PAAF1: variants seen among roughly 807,000 people sequenced by gnomAD.
PAAF1 encodes the protein proteasomal ATPase associated factor 1.
A neutral mutation model predicts 52.8 loss-of-function variants in PAAF1; 46 were observed. That is an observed-to-expected ratio of 0.87 (90% CI 0.69 to 1.11). The LOEUF (loss-of-function observed/expected upper bound fraction) is 1.11. Among genes scored for constraint, PAAF1 ranks in the 50% most tolerant of loss-of-function variants. PAAF1 has a pLI of 0.00. For synonymous variants in PAAF1, 178 were observed against 172.8 expected, an observed-to-expected ratio of 1.03 and a Z score of -0.24; for missense variants, 424 against 477.4, an observed-to-expected ratio of 0.89 and a Z score of 1.04.
intron 2 of PAAF1, 55 bp from the exon 3 acceptor site, chr11:73,887,299 G>T (rs1266954743): frequency 7.2e-7 from 1 of 1,395,336 alleles, no homozygotes; most frequent in East Asian, 2.4e-5. Flanking sequence ...TCTTCAAAGA[G>T]AAAAATAATA....
intron 4 of PAAF1, among the ~76,000 whole-genome samples, chr11:73,896,301 T>A (rs1399374921): frequency 3.6e-5 from 4 of 110,210 alleles, no homozygotes; most frequent in Non-Finnish European, 7.0e-5. Context: ...TTTTCTTTTT[T>A]ATTTATTTTT....
In PAAF1 at chr11:73,916,598, C is replaced by G; in HGVS notation, c.873C>G (p.Gly291=). ...TCAACTGCTGTACTTTTCTCTCTGG[C>G]TTCTTGCTATTGGCTGGGACTCAAG... The part of the protein sequence containing the change: ...DAFNCCTFLS[G]FLLLAGTQDG... The change falls in exon 9 of 12, where the codon GGC becomes GGG. Residue 291 remains glycine (G), a synonymous_variant. Transcript: ENST00000310571. The G allele has an allele frequency of 6.2e-7, 1 of 1,614,012 alleles. No homozygotes were observed. Among genetic ancestry groups the G allele is most frequent in the Non-Finnish European group, 8.5e-7 (1 of 1,179,964 alleles).
At chr11:73,894,793 C>T (rs2135155387) in intron 4 of PAAF1, among the ~76,000 whole-genome samples, 1 of 152,244 alleles carries the variant, frequency 6.6e-6, no homozygotes, top group East Asian at 1.9e-4. Context: ...CACTGCACTC[C>T]AGCCTGTGTT....
chr11:73,900,452 C>T (rs758431806), intron 6 of PAAF1, 32 bp downstream of exon 6: 1 of 1,514,286 alleles, frequency 6.6e-7, no homozygotes, highest in Non-Finnish European at 8.9e-7. Flanking sequence ...AAAGGCTTCT[C>T]TAATGATCCC....
In PAAF1 at chr11:73,900,368, A is replaced by G. The variant is rs1293264610; in HGVS notation, c.480A>G (p.Ile160Met). The G allele has an allele frequency of 6.2e-7, 1 of 1,612,792 alleles. No homozygotes were observed. Among genetic ancestry groups the G allele is most frequent in the Non-Finnish European group, 8.5e-7 (1 of 1,179,044 alleles). The change falls in exon 6 of 12, where the codon ATA becomes ATG. Residue 160 changes from isoleucine (I) to methionine (M), a missense_variant. Coordinates refer to ENST00000310571, the MANE Select transcript of PAAF1 (RefSeq NM_025155.3). ...LSGGMDAQLK[I>M]WSAEDASCVV... ...GGGGAATGGATGCCCAGCTGAAGAT[A>G]TGGTCAGCTGAAGATGCTAGCTGCG... is the stretch of plus-strand genomic sequence containing the variant.
At chr11:73,887,293 C>T in intron 2 of PAAF1, 61 bp from the exon 3 acceptor site, 1 of 1,342,890 alleles carries the variant, frequency 7.4e-7, no homozygotes, top group Non-Finnish European at 1.0e-6. Context: ...ATTGGGTCTT[C>T]AAAGAGAAAA....
chr11:73,914,695 T>G lies in PAAF1; in HGVS notation c.819+191T>G, dbSNP rs1043349823. Among the ~76,000 whole-genome samples the G allele has an allele frequency of 2.0e-5, 3 of 149,494 alleles. No homozygotes were observed. The South Asian group carries it at 6.3e-4, about 31-fold the overall frequency. On this transcript the variant is annotated intron_variant, in intron 8 of 11. Transcript: ENST00000310571. ...AATAAGGGCAACATTTAAATCCCAG[T>G]TCTTTTTTTTTTTTTTTTTTGGAGA...
At chr11:73,926,523 C>G (rs542425819) in intron 11 of PAAF1, among the ~76,000 whole-genome samples, 1 of 152,288 alleles carries the variant, frequency 6.6e-6, no homozygotes, top group South Asian at 2.1e-4. Context: ...TCCTGGCCAA[C>G]ACGGTGAAAC....
At chr11:73,876,810 T>G (rs1591026346), upstream of PAAF1, 1 of 433,964 alleles carries the variant, frequency 2.3e-6, no homozygotes, top group Non-Finnish European at 3.9e-6. Context: ...GCGGCTTGGG[T>G]TTCGCAGGCG....
At chr11:73,921,657 C>G (rs1591132762) in intron 10 of PAAF1, 1 of 724,444 alleles carries the variant, frequency 1.4e-6, no homozygotes, top group Non-Finnish European at 2.5e-6. Flanking sequence ...GTGCTCCTTT[C>G]ACTGTCCAGG....
Position 73,899,173 on chromosome 11 carries a change from G to C in PAAF1, c.310G>C (p.Gly104Arg). The change falls in exon 5 of 12, where the codon GGA becomes CGA. Residue 104 changes from glycine (G) to arginine (R), a missense_variant. Gly to Arg is a moderately radical substitution (Grantham distance 125). Transcript: ENST00000310571. ...SITCLDISSR[G>R]GLGVSSSTDG... ...AACATGCCTGGACATTTCCAGCAGA[G>C]GAGGTCTTGGTGTGTCTTCTAGTAC... The C allele has an allele frequency of 6.2e-7, 1 of 1,614,042 alleles. No individual in the cohort carries two copies. Among genetic ancestry groups the C allele is most frequent in the Non-Finnish European group, 8.5e-7 (1 of 1,179,976 alleles).
At chr11:73,876,872 T>G (rs1210877503), upstream of PAAF1, 2 of 766,516 alleles carry the variant, frequency 2.6e-6, no homozygotes, top group Non-Finnish European at 3.9e-6. Flanking sequence ...GTGGGGAGCG[T>G]GCACACGGAA....
chr11:73,912,664 A>T (rs1741200104), intron 7 of PAAF1, among the ~76,000 whole-genome samples: 1 of 152,156 alleles, frequency 6.6e-6, no homozygotes, highest in African/African-American at 2.4e-5. Flanking sequence ...GTCATGTCAC[A>T]TTCCTGCTTA....
intron 10 of PAAF1, chr11:73,921,714 C>T: frequency 1.0e-6 from 1 of 976,448 alleles, no homozygotes; most frequent in South Asian, 1.3e-5. Context: ...AACAAGTCCA[C>T]CACTTGCAGC....
chr11:73,897,010 G>A lies in PAAF1; in HGVS notation c.283-2136G>A, dbSNP rs1212207420. ...CCCCCACCTCCCTCCTGGACGGGGC[G>A]GCTGGCCGGGCAGAGGGGCTCCTCA... is the stretch of plus-strand genomic sequence containing the variant. On this transcript the variant is annotated intron_variant, in intron 4 of 11. Transcript: ENST00000310571. Among the ~76,000 whole-genome samples, 7 of 135,676 alleles carry A rather than the reference G, an allele frequency of 5.2e-5. No homozygotes were observed. The South Asian group carries it at 9.5e-4, about 18-fold the overall frequency. 89.0% of individuals were successfully genotyped at this position (135,676 alleles called of 152,430 possible).
intron 11 of PAAF1, among the ~76,000 whole-genome samples, chr11:73,925,045 C>T (rs1470652529): frequency 1.3e-5 from 2 of 150,436 alleles, no homozygotes; most frequent in Non-Finnish European, 2.9e-5. Context: ...GTTCCAGTTA[C>T]TTGGGAGGCT....
intron 4 of PAAF1, among the ~76,000 whole-genome samples, chr11:73,897,274 T>G (rs1373120442): frequency 7.1e-6 from 1 of 141,710 alleles, no homozygotes; most frequent in Non-Finnish European, 1.5e-5. Flanking sequence ...CGGCTGGCCG[T>G]GTGGGGGGCT....
rs1950445901 is a variant in PAAF1, at chr11:73,930,709, T to G, written c.*3347T>G. 6.8e-6 allele frequency: 1 copy of G among 146,240 alleles called. No homozygotes were observed. Among genetic ancestry groups the G allele is most frequent in the East Asian group, 2.1e-4 (1 of 4,872 alleles). 9.1% of individuals were successfully genotyped at this position (146,240 alleles called of 1,614,324 possible). On this transcript the variant is annotated 3_prime_UTR_variant, in exon 12 of 12. Coordinates refer to ENST00000310571, the MANE Select transcript of PAAF1 (RefSeq NM_025155.3). ...GTGTAGTGAGCTGAGATTGCACCAC[T>G]GCACTCCAGCTTGGGCAACAGAGCG...
Position 73,927,454 on chromosome 11 carries a change from C to A in PAAF1, c.*92C>A. 9.3e-7 allele frequency: 1 copy of A among 1,079,154 alleles called. No individual in the cohort carries two copies. The highest frequency in any genetic ancestry group is 1.4e-6 in the Non-Finnish European group (1 of 714,494). The allele number at this position is 1,079,154 out of a possible 1,614,324, so 66.8% of individuals were successfully genotyped here. On this transcript the variant is annotated 3_prime_UTR_variant, in exon 12 of 12. Transcript: ENST00000310571. Reference sequence around the variant, plus strand: ...CATCAGTCCTTCCCAAGGACCATGGCGTTTAATGTCTTGGGCACCCCTTGG... The same window carrying A: ...CATCAGTCCTTCCCAAGGACCATGGAGTTTAATGTCTTGGGCACCCCTTGG...
Sources: gnomAD v4.1 joint callset for allele counts (sites outside exome capture counted in the v4.1 genomes callset) on GRCh38, gnomAD v4.1.1 for gene constraint, MANE v1.5 for transcripts, NCBI Gene and HGNC (gene_info 2026-07-23, HGNC 2026-07-21) for gene names.